Variants in SLC30A7 observed in about 807,000 individuals in gnomAD.
The protein encoded by SLC30A7 is solute carrier family 30 member 7, also known as zinc transporter 7.
In SLC30A7, 35 loss-of-function variants were observed where a neutral mutation model predicts 46.0. The observed-to-expected ratio is 0.76, with a 90% CI of 0.58 to 1.01. The LOEUF (loss-of-function observed/expected upper bound fraction) is 1.01. SLC30A7 is among the 50% of genes least tolerant of loss of function. The pLI is 0.00. For synonymous variants in SLC30A7, 147 were observed against 157.8 expected, an observed-to-expected ratio of 0.93 and a Z score of 0.51; for missense variants, 464 against 451.1, an observed-to-expected ratio of 1.03 and a Z score of -0.26.
chr1:100,960,227 C>G (rs373241958), intron 8 of SLC30A7, among the ~76,000 whole-genome samples: 17 of 152,236 alleles, frequency 1.1e-4, no homozygotes, highest in African/African-American at 3.9e-4. Flanking sequence ...CAGTTAGACA[C>G]CAGTTATTTC....
chr1:100,965,137 A>G (rs1041510276), intron 9 of SLC30A7, among the ~76,000 whole-genome samples: 1 of 152,220 alleles, frequency 6.6e-6, no homozygotes, highest in Admixed American at 6.5e-5. Context: ...CCTCTATGCC[A>G]TCAAGTTGGT....
intron 1 of SLC30A7, 27 bp downstream of exon 1, chr1:100,896,369 G>T (rs377762733): frequency 9.9e-6 from 16 of 1,612,666 alleles, no homozygotes; most frequent in Admixed American, 6.7e-5. Context: ...TTGCGGGGAG[G>T]GGGTGTCCGG....
downstream of SLC30A7, among the ~76,000 whole-genome samples, chr1:100,985,871 G>A (rs1375681021): frequency 6.6e-6 from 1 of 152,128 alleles, no homozygotes; most frequent in Non-Finnish European, 1.5e-5. Context: ...AAATGGTTAA[G>A]GGAATGAAAG....
At chr1:100,900,280 G>A (rs1278773469) in intron 2 of SLC30A7, among the ~76,000 whole-genome samples, 1 of 152,126 alleles carries the variant, frequency 6.6e-6, no homozygotes, top group Non-Finnish European at 1.5e-5. Context: ...CTTAGACATA[G>A]AAGACACTCA....
In SLC30A7 at chr1:100,961,345, G is replaced by T. The variant is rs569462845; in HGVS notation, c.843-483G>T. ...AGGACTAGTTACATCAACACATGCAGACTTTTGGGCACCATCCCTAGAGGA... is the reference window on the plus strand; with the variant it reads ...AGGACTAGTTACATCAACACATGCATACTTTTGGGCACCATCCCTAGAGGA... On this transcript the variant is annotated intron_variant, in intron 8 of 10. Coordinates refer to ENST00000357650, the MANE Select transcript of SLC30A7 (RefSeq NM_133496.5). Among the ~76,000 whole-genome samples, 109 of 152,184 alleles carry T rather than the reference G, an allele frequency of 7.2e-4. 1 individual carries two copies. The highest frequency in any genetic ancestry group is 1.4e-3 in the Non-Finnish European group (92 of 68,034).
At position 100,980,220 on chromosome 1, in the gene SLC30A7, GT is replaced by G; in HGVS notation, c.*5366del. The stretch of plus-strand genomic sequence containing the variant: ...TTTCTATCCAAGAGACCTTAATTTA[GT>G]TTATTAGGGAATTATCTTCCCCAAA... On this transcript the variant is annotated 3_prime_UTR_variant, in exon 11 of 11. Coordinates refer to ENST00000357650, the MANE Select transcript of SLC30A7 (RefSeq NM_133496.5). The G allele has an allele frequency of 6.6e-6, 1 of 152,220 alleles. No individual in the cohort carries two copies. The highest frequency in any genetic ancestry group is 6.5e-5 in the Admixed American group (1 of 15,290). 9.4% of individuals were successfully genotyped at this position (152,220 alleles called of 1,614,324 possible). A position where few individuals can be genotyped will look rare whatever the true frequency, so the allele number is the denominator to read the frequency against.
In SLC30A7 at chr1:100,975,038, T is replaced by C; in HGVS notation, c.*181T>C. On this transcript the variant is annotated 3_prime_UTR_variant, in exon 11 of 11. Transcript: ENST00000357650. ...GGAGTTCACAGCTAAGGGATCAGAT[T>C]TAAGAGGATATCTCCTGGACTTTTG... 4.8e-6 allele frequency: 2 copies of C among 417,176 alleles called. No individual in the cohort carries two copies. The highest frequency in any genetic ancestry group is 8.5e-6 in the Non-Finnish European group (2 of 234,250). 25.8% of individuals were successfully genotyped at this position (417,176 alleles called of 1,614,324 possible).
At chr1:100,957,856 T>C (rs2101079638) in intron 8 of SLC30A7, among the ~76,000 whole-genome samples, 1 of 152,272 alleles carries the variant, frequency 6.6e-6, no homozygotes, top group Middle Eastern at 3.4e-3. Context: ...TGTGATGGAT[T>C]CTTTTTTTTT....
intron 8 of SLC30A7, among the ~76,000 whole-genome samples, chr1:100,929,760 A>G (rs192516156): frequency 6.6e-6 from 1 of 152,170 alleles, no homozygotes; most frequent in East Asian, 1.9e-4. Context: ...GGGTGATAAT[A>G]AATTTTGGGG....
At chr1:100,946,630 G>A (rs779188419) in intron 8 of SLC30A7, among the ~76,000 whole-genome samples, 10 of 152,206 alleles carry the variant, frequency 6.6e-5, no homozygotes, top group Non-Finnish European at 1.5e-4. Context: ...TCCCAGAGAT[G>A]AAGCCCACTT....
At chr1:100,920,304 G>T (rs530007930) in intron 7 of SLC30A7, among the ~76,000 whole-genome samples, 1 of 151,906 alleles carries the variant, frequency 6.6e-6, no homozygotes, top group Admixed American at 6.6e-5. Flanking sequence ...CTGCTTTGAT[G>T]TGTATTTTTT....
intron 10 of SLC30A7, chr1:100,972,535 G>A (rs1402758155): frequency 6.6e-6 from 1 of 152,340 alleles, no homozygotes; most frequent in Non-Finnish European, 1.5e-5. Flanking sequence ...CATCTTCTCT[G>A]TTTAGGGCTA....
At chr1:100,947,428 T>C (rs56202600) in intron 8 of SLC30A7, among the ~76,000 whole-genome samples, 2,523 of 152,286 alleles carry the variant, frequency 0.017, 32 homozygotes, top group Middle Eastern at 0.031. Flanking sequence ...GAGTTTGTTG[T>C]GATTTCTGTT....
intron 9 of SLC30A7, among the ~76,000 whole-genome samples, chr1:100,964,297 A>C (rs1466344786): frequency 1.4e-5 from 2 of 146,100 alleles, no homozygotes; most frequent in Non-Finnish European, 3.0e-5. Flanking sequence ...ATGTTATATA[A>C]CTTATGTAAC....
Position 100,914,958 on chromosome 1 carries a change from A to G in SLC30A7, c.655+1152A>G, listed in dbSNP as rs116090829. On this transcript the variant is annotated intron_variant, in intron 6 of 10. Transcript: ENST00000357650. ...AAAAAAAAAAATTTCTAACTACTCTATTGAGATATGATTGACATATGAAAA... is the reference window on the plus strand; with the variant it reads ...AAAAAAAAAAATTTCTAACTACTCTGTTGAGATATGATTGACATATGAAAA... Among the ~76,000 whole-genome samples, 824 of 152,248 alleles carry G rather than the reference A, an allele frequency of 5.4e-3. 12 individuals carry two copies. Among genetic ancestry groups the G allele is most frequent in the African/African-American group, 0.019 (792 of 41,566 alleles).
intron 7 of SLC30A7, among the ~76,000 whole-genome samples, chr1:100,919,286 C>T (rs987540188): frequency 1.3e-5 from 2 of 151,962 alleles, no homozygotes; most frequent in African/African-American, 4.8e-5. Context: ...TCTGAGTTTC[C>T]ATTTAGACTT....
intron 2 of SLC30A7, among the ~76,000 whole-genome samples, chr1:100,904,829 C>G (rs1651545805): frequency 6.6e-6 from 1 of 152,120 alleles, no homozygotes; most frequent in South Asian, 2.1e-4. Context: ...AACTTTAACC[C>G]AAAGCCTCTG....
At chr1:100,897,689 T>A (rs1012639075) in intron 2 of SLC30A7, among the ~76,000 whole-genome samples, 1 of 152,218 alleles carries the variant, frequency 6.6e-6, no homozygotes, top group African/African-American at 2.4e-5. Context: ...CATGTATACT[T>A]TTATATAATG....
chr1:100,976,404 A>G lies in SLC30A7; in HGVS notation c.*1547A>G, dbSNP rs926884089. On this transcript the variant is annotated 3_prime_UTR_variant, in exon 11 of 11. Coordinates refer to ENST00000357650, the MANE Select transcript of SLC30A7 (RefSeq NM_133496.5). ...TACAGAGGAAATGTGGTGATGTAGA[A>G]CTTTTCCTAACACAGGTATCTAGGA... 1.3e-5 allele frequency: 2 copies of G among 152,200 alleles called. No homozygotes were observed. The highest frequency in any genetic ancestry group is 2.9e-5 in the Non-Finnish European group (2 of 68,032). The allele number at this position is 152,200 out of a possible 1,614,324, so 9.4% of individuals were successfully genotyped here.
Sources: gnomAD v4.1 joint callset for allele counts (sites outside exome capture counted in the v4.1 genomes callset) on GRCh38, gnomAD v4.1.1 for gene constraint, MANE v1.5 for transcripts, NCBI Gene and HGNC (gene_info 2026-07-23, HGNC 2026-07-21) for gene names.